FCHSD2: variants seen among roughly 807,000 people sequenced by gnomAD.
The protein encoded by FCHSD2 is F-BAR and double SH3 domains protein 2.
FCHSD2 carries 38 observed loss-of-function variants against 108.1 expected under a neutral mutation model. That is an observed-to-expected ratio of 0.35 (90% confidence interval 0.27 to 0.46). The LOEUF (loss-of-function observed/expected upper bound fraction) is 0.46, where lower values mean the gene tolerates loss of function less well. Among genes scored for constraint, FCHSD2 ranks in the 20% least tolerant of loss-of-function variants. The pLI is 1.00. For synonymous variants in FCHSD2, 279 were observed against 314.7 expected, an observed-to-expected ratio of 0.89 and a Z score of 1.20; for missense variants, 751 against 897.8, an observed-to-expected ratio of 0.84 and a Z score of 2.09.
intron 8 of FCHSD2, among the ~76,000 whole-genome samples, chr11:72,958,167 G>A (rs1444307986): frequency 6.6e-6 from 1 of 152,160 alleles, no homozygotes; most frequent in Non-Finnish European, 1.5e-5. Context: ...GGGAAAGATG[G>A]CTTGCTTTAA....
intron 3 of FCHSD2, among the ~76,000 whole-genome samples, chr11:73,034,180 A>C (rs1858433089): frequency 6.6e-6 from 1 of 152,106 alleles, no homozygotes; most frequent in African/African-American, 2.4e-5. Flanking sequence ...GCACCCATCC[A>C]CCCATCATCT....
At chr11:72,956,020 C>G (rs1027155084) in intron 8 of FCHSD2, among the ~76,000 whole-genome samples, 6 of 152,086 alleles carry the variant, frequency 3.9e-5, no homozygotes, top group Admixed American at 1.3e-4. Flanking sequence ...ATAGTTGATT[C>G]CAGAATTGGG....
intron 9 of FCHSD2, 90 bp downstream of exon 9, chr11:72,921,738 A>G (rs1212316989): frequency 7.6e-6 from 8 of 1,046,684 alleles, no homozygotes; most frequent in African/African-American, 1.6e-5. Context: ...CATTCTTCTA[A>G]TATCACTAGT....
intron 13 of FCHSD2, among the ~76,000 whole-genome samples, chr11:72,866,489 C>G (rs992445555): frequency 3.3e-5 from 5 of 152,030 alleles, no homozygotes; most frequent in African/African-American, 1.2e-4. Context: ...AGGCTGGTCT[C>G]GAACTCCTGA....
intron 2 of FCHSD2, among the ~76,000 whole-genome samples, chr11:73,111,205 T>G (rs1860477259): frequency 6.6e-6 from 1 of 152,206 alleles, no homozygotes. Context: ...TAGTACAGAT[T>G]AAGAGTGATG....
intron 4 of FCHSD2, among the ~76,000 whole-genome samples, chr11:73,007,862 A>G (rs1857775255): frequency 6.6e-6 from 1 of 152,220 alleles, no homozygotes; most frequent in African/African-American, 2.4e-5. Flanking sequence ...TATGCAAGAT[A>G]TTACCACTGG....
chr11:72,870,595 C>T (rs1279040195), intron 12 of FCHSD2, among the ~76,000 whole-genome samples: 1 of 151,994 alleles, frequency 6.6e-6, no homozygotes, highest in Non-Finnish European at 1.5e-5. Context: ...TTCTTCAGCA[C>T]AAGCTTAAAG....
chr11:73,041,557 T>C (rs1226518166), intron 3 of FCHSD2, among the ~76,000 whole-genome samples: 1 of 152,146 alleles, frequency 6.6e-6, no homozygotes, highest in African/African-American at 2.4e-5. Context: ...TCATATCCTT[T>C]CCCAACTTGT....
intron 2 of FCHSD2, among the ~76,000 whole-genome samples, chr11:73,131,331 C>T (rs1204952794): frequency 6.8e-6 from 1 of 147,298 alleles, no homozygotes; most frequent in Non-Finnish European, 1.5e-5. Context: ...TCCTGGCTAA[C>T]ACGGTGAAAC....
chr11:73,124,200 A>T (rs2135562408), intron 2 of FCHSD2, among the ~76,000 whole-genome samples: 1 of 152,238 alleles, frequency 6.6e-6, no homozygotes, highest in South Asian at 2.1e-4. Flanking sequence ...CATGGATGGG[A>T]ATTGAACAAT....
intron 5 of FCHSD2, among the ~76,000 whole-genome samples, chr11:72,992,565 G>C (rs1388206333): frequency 4.6e-5 from 7 of 152,280 alleles, no homozygotes; most frequent in Admixed American, 4.6e-4. Flanking sequence ...CAGAGATATA[G>C]ACCAATGGAA....
intron 3 of FCHSD2, among the ~76,000 whole-genome samples, chr11:73,029,082 A>C (rs997212473): frequency 6.6e-6 from 1 of 152,194 alleles, no homozygotes; most frequent in Non-Finnish European, 1.5e-5. Context: ...GAAGACCAGA[A>C]AGGGCACCAT....
intron 3 of FCHSD2, among the ~76,000 whole-genome samples, chr11:73,037,102 C>T (rs1041056119): frequency 3.9e-5 from 6 of 152,186 alleles, no homozygotes; most frequent in Non-Finnish European, 7.3e-5. Context: ...TTGATACTCA[C>T]ATTTTTTAAA....
At chr11:73,127,188 T>C (rs1477479003) in intron 2 of FCHSD2, among the ~76,000 whole-genome samples, 1 of 152,244 alleles carries the variant, frequency 6.6e-6, no homozygotes, top group Non-Finnish European at 1.5e-5. Flanking sequence ...GTAACACTTT[T>C]CATAACACCA....
chr11:73,130,574 G>T (rs1860973344), intron 2 of FCHSD2, among the ~76,000 whole-genome samples: 1 of 152,156 alleles, frequency 6.6e-6, no homozygotes, highest in Non-Finnish European at 1.5e-5. Flanking sequence ...TTTAGGAGCA[G>T]GTAAAGATTT....
chr11:72,921,510 T>C (rs1565323890), intron 9 of FCHSD2, among the ~76,000 whole-genome samples: 2 of 152,238 alleles, frequency 1.3e-5, no homozygotes, highest in Non-Finnish European at 2.9e-5. Context: ...GTTTCCCCCA[T>C]GTGAGCAGAG....
chr11:73,128,011 C>CAA (rs1340416463), intron 2 of FCHSD2, among the ~76,000 whole-genome samples: 24 of 69,634 alleles, frequency 3.4e-4, no homozygotes, highest in South Asian at 1.3e-3. Flanking sequence ...AAGACCATCT[C>CAA]AAAAAAAAAA....
Position 73,051,091 on chromosome 11 carries a change from G to C in FCHSD2, c.165+32604C>G, listed in dbSNP as rs376370110. 2.2e-4 allele frequency among the ~76,000 whole-genome samples: 33 copies of C among 152,290 alleles called. 1 individual carries two copies. The South Asian group carries it at 6.8e-3, about 32-fold the overall frequency. ...AACATTTTGGGAGGCCAAGGTGGGAGGATCGCTTGAATCCAAGAGTTCAAG... is the reference window on the plus strand; with the variant it reads ...AACATTTTGGGAGGCCAAGGTGGGACGATCGCTTGAATCCAAGAGTTCAAG... On this transcript the variant is annotated intron_variant, in intron 3 of 19. Coordinates refer to ENST00000409418, the MANE Select transcript of FCHSD2 (RefSeq NM_014824.3).
chr11:72,864,693 T>C (rs1465123618), intron 13 of FCHSD2, among the ~76,000 whole-genome samples: 2 of 152,244 alleles, frequency 1.3e-5, no homozygotes, highest in African/African-American at 2.4e-5. Context: ...TTCTTCTGTA[T>C]TGTATTTTCC....
Sources: gnomAD v4.1 joint callset for allele counts (sites outside exome capture counted in the v4.1 genomes callset) on GRCh38, gnomAD v4.1.1 for gene constraint, MANE v1.5 for transcripts, NCBI Gene and HGNC (gene_info 2026-07-23, HGNC 2026-07-21) for gene names.